C12orf75: variants seen among roughly 807,000 people sequenced by gnomAD.
The protein encoded by C12orf75 is overexpressed in colon carcinoma 1 protein.
In C12orf75, 4 loss-of-function variants were observed where a neutral mutation model predicts 11.4. The ratio of observed to expected loss-of-function variants is 0.35; its 90% CI spans 0.17 to 0.80. The LOEUF (loss-of-function observed/expected upper bound fraction) is 0.80, where lower values mean the gene tolerates loss of function less well. Ranked by LOEUF, C12orf75 falls within the 30% of genes least tolerant of loss-of-function variation. The probability of loss-of-function intolerance (pLI) is 0.52; values close to 1 mark genes in which losing one functional copy is unlikely to be tolerated. For synonymous variants in C12orf75, 30 were observed against 30.0 expected (o/e 1.00, Z 0.00); for missense variants, 89 against 80.4 (o/e 1.11, Z -0.41).
intron 1 of C12orf75, among the ~76,000 whole-genome samples, chr12:105,337,327 CAAAA>C (rs1892510020): frequency 6.6e-6 from 1 of 152,060 alleles, no homozygotes; most frequent in Non-Finnish European, 1.5e-5. Flanking sequence ...AACAAACAAA[CAAAA>C]ACCAATGAGA....
intron 4 of C12orf75, 23 bp from the exon 5 acceptor site, chr12:105,367,449 C>T: frequency 1.3e-6 from 1 of 785,366 alleles, no homozygotes; most frequent in South Asian, 1.9e-5. Context: ...GAACATTTAA[C>T]TTTTCTTAAT....
At chr12:105,350,469 C>G (rs1308200185) in intron 2 of C12orf75, among the ~76,000 whole-genome samples, 1 of 152,160 alleles carries the variant, frequency 6.6e-6, no homozygotes, top group Non-Finnish European at 1.5e-5. Context: ...TGCCCACTGC[C>G]TGGAGTGGCC....
At position 105,348,616 on chromosome 12, in the gene C12orf75, G is replaced by A; in HGVS notation, c.61G>A (p.Ala21Thr). 1 of 1,537,790 alleles carries A rather than the reference G, an allele frequency of 6.5e-7. No homozygotes were observed. Among genetic ancestry groups the A allele is most frequent in the African/African-American group, 1.4e-5 (1 of 72,550 alleles). ...TTTTTCTCTAGGCCCTGCAGGAGCAGCCAAAGATGTGTAAGTATTGAATAT... is the reference window on the plus strand; with the variant it reads ...TTTTTCTCTAGGCCCTGCAGGAGCAACCAAAGATGTGTAAGTATTGAATAT... ...AGAGQGPAGA[A>T]KDVTEESVTE... Residue 21 changes from alanine (A) to threonine (T), a missense_variant, in exon 2 of 6, where the codon GCC becomes ACC. Physicochemically the swap from Ala to Thr is moderately conservative, Grantham distance 58. Coordinates refer to ENST00000443585, the MANE Select transcript of C12orf75 (RefSeq NM_001145199.2).
chr12:105,367,159 T>C (rs560196899), intron 4 of C12orf75, among the ~76,000 whole-genome samples: 1 of 152,326 alleles, frequency 6.6e-6, no homozygotes, highest in South Asian at 2.1e-4. Context: ...TGAAGTCCTT[T>C]TGACTGATAG....
intron 2 of C12orf75, among the ~76,000 whole-genome samples, chr12:105,360,765 G>A (rs1298604686): frequency 6.6e-6 from 1 of 151,968 alleles, no homozygotes; most frequent in Non-Finnish European, 1.5e-5. Context: ...GAACATCTGG[G>A]CTGCCTCATC....
chr12:105,342,229 T>C (rs1592877785), intron 1 of C12orf75, among the ~76,000 whole-genome samples: 1 of 152,328 alleles, frequency 6.6e-6, no homozygotes, highest in East Asian at 1.9e-4. Flanking sequence ...GCTTGAGGGC[T>C]CTGCTCCCAT....
chr12:105,332,945 A>G (rs1892454090), intron 1 of C12orf75, among the ~76,000 whole-genome samples: 1 of 150,792 alleles, frequency 6.6e-6, no homozygotes, highest in African/African-American at 2.4e-5. Flanking sequence ...AAAAAAAAAA[A>G]GCTACCGAAA....
intron 2 of C12orf75, among the ~76,000 whole-genome samples, chr12:105,358,651 C>G (rs1892819305): frequency 6.6e-6 from 1 of 152,144 alleles, no homozygotes; most frequent in Non-Finnish European, 1.5e-5. Flanking sequence ...ACAAATTTTT[C>G]AAATGGTATA....
chr12:105,338,847 A>G (rs778331845), intron 1 of C12orf75, among the ~76,000 whole-genome samples: 20 of 152,120 alleles, frequency 1.3e-4, no homozygotes, highest in Non-Finnish European at 2.9e-4. Context: ...CTATGGCCCA[A>G]ACACCTCCCA....
chr12:105,355,221 G>C (rs1401578742), intron 2 of C12orf75, among the ~76,000 whole-genome samples: 5 of 146,194 alleles, frequency 3.4e-5, no homozygotes, highest in Admixed American at 2.1e-4. Flanking sequence ...CCAGGCTGGA[G>C]TGCAGTGGCA....
At chr12:105,354,019 A>G (rs1892745718) in intron 2 of C12orf75, among the ~76,000 whole-genome samples, 1 of 152,216 alleles carries the variant, frequency 6.6e-6, no homozygotes, top group Non-Finnish European at 1.5e-5. Flanking sequence ...GGGATCCTTT[A>G]TAAATTTACC....
chr12:105,366,820 A>G (rs1046481659), intron 4 of C12orf75, 124 bp downstream of exon 4: 9 of 618,430 alleles, frequency 1.5e-5, no homozygotes, highest in African/African-American at 5.5e-5. Flanking sequence ...TGAACCATGT[A>G]TAAGTACTGT....
At chr12:105,351,447 A>G (rs1420404970) in intron 2 of C12orf75, among the ~76,000 whole-genome samples, 1 of 152,078 alleles carries the variant, frequency 6.6e-6, no homozygotes, top group African/African-American at 2.4e-5. Context: ...AATTTTTACT[A>G]CTCGTTTTTC....
chr12:105,354,746 T>C (rs893714908), intron 2 of C12orf75, among the ~76,000 whole-genome samples: 1 of 151,954 alleles, frequency 6.6e-6, no homozygotes, highest in African/African-American at 2.4e-5. Context: ...CCCTGTGAAA[T>C]AGGAGCAGGA....
chr12:105,340,781 T>C (rs1045403824), intron 1 of C12orf75, among the ~76,000 whole-genome samples: 15 of 152,168 alleles, frequency 9.9e-5, no homozygotes, highest in African/African-American at 3.6e-4. Context: ...CTGAGTAGGC[T>C]CTAAATCCAA....
intron 1 of C12orf75, among the ~76,000 whole-genome samples, chr12:105,336,352 G>A (rs1451298711): frequency 2.6e-5 from 4 of 152,172 alleles, no homozygotes; most frequent in Non-Finnish European, 5.9e-5. Context: ...TATGACCTTG[G>A]GCAATTTGCT....
At chr12:105,340,234 G>A (rs1273072005) in intron 1 of C12orf75, among the ~76,000 whole-genome samples, 1 of 151,686 alleles carries the variant, frequency 6.6e-6, no homozygotes, top group Non-Finnish European at 1.5e-5. Context: ...GACCATCCTT[G>A]CTAACACAGT....
rs931194308 is a variant in C12orf75, at chr12:105,366,010, A to G, written c.107+168A>G. 12 of 651,346 alleles carry G rather than the reference A, an allele frequency of 1.8e-5. No homozygotes were observed. The African/African-American group carries it at 2.0e-4, about 11-fold the overall frequency. 40.3% of individuals were successfully genotyped at this position (651,346 alleles called of 1,614,324 possible). ...CTGAAAAAGAACTTGCCCAGGATTC[A>G]TCATCTTTGCTCCTTCCAAGCAAAC... On this transcript the variant is annotated intron_variant, in intron 3 of 5. Coordinates refer to ENST00000443585, the MANE Select transcript of C12orf75 (RefSeq NM_001145199.2).
At chr12:105,336,987 A>G (rs1033406440) in intron 1 of C12orf75, among the ~76,000 whole-genome samples, 1 of 152,118 alleles carries the variant, frequency 6.6e-6, no homozygotes, top group Non-Finnish European at 1.5e-5. Context: ...GATTTCTGCC[A>G]TTGTCACAGC....
Sources: gnomAD v4.1 joint callset for allele counts (sites outside exome capture counted in the v4.1 genomes callset) on GRCh38, gnomAD v4.1.1 for gene constraint, MANE v1.5 for transcripts, NCBI Gene and HGNC (gene_info 2026-07-23, HGNC 2026-07-21) for gene names.